ANAPC2: variants seen among roughly 807,000 people sequenced by gnomAD.
The protein encoded by ANAPC2 is anaphase-promoting complex subunit 2.
Under a neutral mutation model 84.3 loss-of-function variants are expected in ANAPC2, and 29 were observed. The observed-to-expected ratio is 0.34, with a 90% CI of 0.26 to 0.47. The LOEUF is 0.47. Ranked by LOEUF, ANAPC2 falls within the 20% of genes least tolerant of loss-of-function variation. The pLI is 1.00. For missense variants in ANAPC2, 857 were observed against 1,131.7 expected (o/e 0.76, Z 3.48); for synonymous variants, 571 against 479.4 (o/e 1.19, Z -2.50).
chr9:137,175,525 C>T (rs1028325741), intron 11 of ANAPC2, 53 bp from the exon 12 acceptor site: 39 of 1,499,634 alleles, frequency 2.6e-5, no homozygotes, highest in Non-Finnish European at 3.4e-5. Context: ...GCTGCACCTC[C>T]CCTGCCTCCC....
intron 10 of ANAPC2, among the ~76,000 whole-genome samples, chr9:137,178,545 CA>C (rs1834271194): frequency 6.6e-6 from 1 of 152,158 alleles, no homozygotes; most frequent in South Asian, 2.1e-4. Context: ...GCCAGAGGGG[CA>C]GGGGGAAAGG....
At chr9:137,182,548 G>C (rs1834366689) in intron 6 of ANAPC2, among the ~76,000 whole-genome samples, 1 of 152,146 alleles carries the variant, frequency 6.6e-6, no homozygotes, top group Non-Finnish European at 1.5e-5. Context: ...TCAGAAGCCA[G>C]GCCAGTTACA....
In ANAPC2 at chr9:137,187,628, T is replaced by C. The variant is rs575460414; in HGVS notation, c.593A>G (p.Glu198Gly). 2.5e-6 allele frequency: 4 copies of C among 1,614,092 alleles called. No homozygotes were observed. The South Asian group carries it at 4.4e-5, about 18-fold the overall frequency. Residue 198 changes from glutamate (E) to glycine (G), a missense_variant, in exon 2 of 13, where the codon GAA (glutamate) becomes GGA (glycine). This residue lies in a region of ANAPC2 where 428 missense variants were observed against 513.8 expected (regional missense o/e 0.83). Transcript: ENST00000323927. ...KRKGEGGTDP[E>G]LEGELDSRYA... ...CCGGCTGTCCAGCTCCCCTTCCAGTTCCGGGTCTGTGCCCCCTTCCCCCTT... is the reference window on the plus strand; with the variant it reads ...CCGGCTGTCCAGCTCCCCTTCCAGTCCCGGGTCTGTGCCCCCTTCCCCCTT...
Position 137,183,770 on chromosome 9 carries a change from G to C in ANAPC2, c.1070C>G (p.Ala357Gly). 6.2e-7 allele frequency: 1 copy of C among 1,613,294 alleles called. No individual in the cohort carries two copies. Among genetic ancestry groups the C allele is most frequent in the Non-Finnish European group, 8.5e-7 (1 of 1,179,902 alleles). The change falls in exon 5 of 13, where the codon GCC (alanine) becomes GGC (glycine). Residue 357 changes from alanine to glycine, a missense_variant. Ala to Gly is a moderately conservative substitution (Grantham distance 60). Transcript: ENST00000323927. ...IVRDFPDSRP[A>G]IEDLKYCLER... The stretch of plus-strand genomic sequence containing the variant: ...CAGGCAGTACTTGAGGTCCTCGATG[G>C]CTGGCCGGGAGTCTGGGAAGTCTAC...
chr9:137,180,763 A>T, intron 8 of ANAPC2, 25 bp downstream of exon 8: 1 of 1,603,892 alleles, frequency 6.2e-7, no homozygotes, highest in Non-Finnish European at 8.5e-7. Flanking sequence ...ACCCCTGGAG[A>T]TGGCCAGCGC....
chr9:137,174,885 G>A lies in ANAPC2; in HGVS notation c.*57C>T. 23 of 1,456,438 alleles carry A rather than the reference G, an allele frequency of 1.6e-5. No individual in the cohort carries two copies. The highest frequency in any genetic ancestry group is 2.0e-5 in the Non-Finnish European group (22 of 1,102,332). 90.2% of individuals were successfully genotyped at this position (1,456,438 alleles called of 1,614,324 possible). ...CGGGCGGGCGGGGGCTGGCACGGGA[G>A]GACGAGAGCACCTGCAGGGCAGCGC... On this transcript the variant is annotated 3_prime_UTR_variant, in exon 13 of 13. Transcript: ENST00000323927. This position sits in a 1 kb window ranked among gnomAD's most constrained non-coding sequence, Gnocchi z 6.1.
chr9:137,183,792 C>T lies in ANAPC2; in HGVS notation c.1049-1G>A, dbSNP rs1834392403. On this transcript the variant is annotated splice_acceptor_variant, in intron 4 of 12. Transcript: ENST00000323927. LOFTEE classifies it high-confidence loss of function. ...ATGGCTGGCCGGGAGTCTGGGAAGT[C>T]TACAAGAAGAAGAACATCCCTCAGG... 6.2e-7 allele frequency: 1 copy of T among 1,612,830 alleles called. No individual in the cohort carries two copies. The highest frequency in any genetic ancestry group is 1.3e-5 in the African/African-American group (1 of 74,926).
intron 5 of ANAPC2, 81 bp from the exon 6 acceptor site, chr9:137,183,323 G>T: frequency 8.3e-7 from 1 of 1,204,918 alleles, no homozygotes; most frequent in Non-Finnish European, 1.2e-6. Context: ...TAGACAGCTG[G>T]CCATGCCGGT....
chr9:137,183,557 C>A, intron 5 of ANAPC2, 115 bp downstream of exon 5: 1 of 1,442,098 alleles, frequency 6.9e-7, no homozygotes, highest in Non-Finnish European at 9.2e-7. Context: ...CAACCCATTT[C>A]TTCCTTAGAC....
rs375374418 is a variant in ANAPC2 at position 137,183,260 on chromosome 9, G to A, written c.1169-18C>T. On this transcript the variant is annotated intron_variant, in intron 5 of 12. Transcript: ENST00000323927. ...GTTGACGCCTACAGCCAGGGCAGAA[G>A]CCAGCAGTCATGCAGTGCCCGGGAC... The A allele has an allele frequency of 2.9e-5, 46 of 1,601,760 alleles. No individual in the cohort carries two copies. In the South Asian group the frequency reaches 4.1e-4, roughly 14 times the overall value.
intron 3 of ANAPC2, among the ~76,000 whole-genome samples, chr9:137,185,716 G>A (rs946849715): frequency 6.6e-6 from 1 of 152,182 alleles, no homozygotes; most frequent in African/African-American, 2.4e-5. Flanking sequence ...CCACATGGCT[G>A]GGCCCAGCTC....
In ANAPC2 at chr9:137,174,903, G is replaced by A; in HGVS notation, c.*39C>T. On this transcript the variant is annotated 3_prime_UTR_variant, in exon 13 of 13. Coordinates refer to ENST00000323927, the MANE Select transcript of ANAPC2 (RefSeq NM_013366.4). The surrounding 1 kb of genome is among the most constrained non-coding windows in gnomAD (Gnocchi z 6.1). The stretch of plus-strand genomic sequence containing the variant: ...CACGGGAGGACGAGAGCACCTGCAG[G>A]GCAGCGCCTGGCGGGCGGGCGGGCG... 3 of 1,468,600 alleles carry A rather than the reference G, an allele frequency of 2.0e-6. No homozygotes were observed. The highest frequency in any genetic ancestry group is 2.7e-6 in the Non-Finnish European group (3 of 1,105,538). The allele number at this position is 1,468,600 out of a possible 1,614,324, so 91.0% of individuals were successfully genotyped here. A position where few individuals can be genotyped will look rare whatever the true frequency, so the allele number is the denominator to read the frequency against.
intron 3 of ANAPC2, 95 bp from the exon 4 acceptor site, chr9:137,185,182 C>T (rs926118738): frequency 1.4e-5 from 19 of 1,337,656 alleles, no homozygotes; most frequent in Admixed American, 1.0e-4. Flanking sequence ...CCCACCCTGT[C>T]GGCCGGGACC....
chr9:137,183,089 G>A (rs1173949341), intron 6 of ANAPC2, 36 bp downstream of exon 6: 2 of 1,545,706 alleles, frequency 1.3e-6, no homozygotes, highest in African/African-American at 1.4e-5. Context: ...GGATGCCCAG[G>A]GTCCCAGTGG....
At chr9:137,178,502 T>C (rs1834270401) in intron 10 of ANAPC2, among the ~76,000 whole-genome samples, 1 of 151,662 alleles carries the variant, frequency 6.6e-6, no homozygotes, top group South Asian at 2.1e-4. Context: ...CATTGGGGCC[T>C]TGCCTGGAAG....
chr9:137,181,762 T>G lies in ANAPC2; in HGVS notation c.1387A>C (p.Ser463Arg), dbSNP rs1296975176. Residue 463 changes from serine (S) to arginine (R), a missense_variant, in exon 7 of 13, where the codon AGC (serine) becomes CGC (arginine). By Grantham distance (110) the Ser-to-Arg change is moderately radical (BLOSUM62 -1). Around this residue, in one of 3 missense-constraint regions of ANAPC2, gnomAD observed 425 missense variants for 595.5 expected, o/e 0.71. Coordinates refer to ENST00000323927, the MANE Select transcript of ANAPC2 (RefSeq NM_013366.4). ...AVELSKTDPA[S>R]LETGQDSEDD... is the part of the protein sequence containing the mutation. ...TCACTGTCCTGGCCTGTCTCCAGGC[T>G]CGCCGGGTCGGTCTTGGACAGCTCA... The G allele has an allele frequency of 2.5e-6, 4 of 1,611,288 alleles. No homozygotes were observed. The Admixed American group carries it at 5.0e-5, about 20-fold the overall frequency.
rs764946963 is a variant in ANAPC2 at position 137,180,882 on chromosome 9, C to T, written c.1516G>A (p.Val506Ile). Residue 506 changes from valine to isoleucine, a missense_variant, in exon 8 of 13, where the codon GTC (valine) becomes ATC (isoleucine). Transcript: ENST00000323927. ...AGGTCCTTGCTGCCGTAGATGCTGA[C>T]CAGCAGGCTGATGATGTCCGATGAA... The part of the protein sequence containing the change: ...RRSSDIISLL[V>I]SIYGSKDLFI... The T allele has an allele frequency of 6.2e-7, 1 of 1,613,556 alleles. No individual in the cohort carries two copies. Among genetic ancestry groups the T allele is most frequent in the East Asian group, 2.2e-5 (1 of 44,888 alleles).
intron 10 of ANAPC2, among the ~76,000 whole-genome samples, chr9:137,178,952 C>T (rs1834280803): frequency 6.6e-6 from 1 of 152,214 alleles, no homozygotes; most frequent in South Asian, 2.1e-4. Flanking sequence ...AGTAAGTTCC[C>T]TTGGTTTGTC....
Position 137,180,246 on chromosome 9 carries a change from G to C in ANAPC2, c.1825C>G (p.Leu609Val), listed in dbSNP as rs147799303. Residue 609 changes from leucine (L) to valine (V), a missense_variant, in exon 10 of 13, where the codon CTG (leucine) becomes GTG (valine). Physicochemically the swap from Leu to Val is conservative, Grantham distance 32 (BLOSUM62 1). Transcript: ENST00000323927. Reference protein sequence around the residue: ...EFWPPFKDEKLEVPEDIRAAL... With the variant: ...EFWPPFKDEKVEVPEDIRAAL... ...GCCCTGATATCCTCGGGGACCTCCAGCTTCTCGTCCTTGAAGGGCGGCCAG... is the reference window on the plus strand; with the variant it reads ...GCCCTGATATCCTCGGGGACCTCCACCTTCTCGTCCTTGAAGGGCGGCCAG... 1 of 1,613,834 alleles carries C rather than the reference G, an allele frequency of 6.2e-7. No homozygotes were observed. Among genetic ancestry groups the C allele is most frequent in the Non-Finnish European group, 8.5e-7 (1 of 1,180,030 alleles).
Sources: allele counts gnomAD v4.1 joint callset (sites outside exome capture counted in the v4.1 genomes callset), GRCh38; gene constraint gnomAD v4.1.1; regional missense constraint gnomAD v4.1.1; non-coding constraint Gnocchi (gnomAD v3.1); transcripts MANE v1.5; gene names NCBI Gene and HGNC (gene_info 2026-07-23, HGNC 2026-07-21).